The following ABTB3 variants were observed in gnomAD, a reference collection of about 807,000 sequenced individuals.
The protein encoded by ABTB3 is ankyrin repeat- and BTB/POZ domain-containing protein 3.
chr12:107,387,231 G>A, the ABTB3 span, among the ~76,000 whole-genome samples: 1 of 152,174 alleles, frequency 6.6e-6, no homozygotes, highest in African/African-American at 2.4e-5. Context: ...ACCCGCCTCA[G>A]CCTCCCAAAT....
At chr12:107,468,936 C>T in the ABTB3 span, among the ~76,000 whole-genome samples, 1 of 152,154 alleles carries the variant, frequency 6.6e-6, no homozygotes, top group African/African-American at 2.4e-5. Flanking sequence ...TCAGCTTTCT[C>T]ATCTGTGAAA....
the ABTB3 span, among the ~76,000 whole-genome samples, chr12:107,577,414 T>C: frequency 2.6e-3 from 400 of 152,230 alleles, 1 homozygote; most frequent in African/African-American, 9.2e-3. Flanking sequence ...TGTAACATTC[T>C]TTCTAGTACC....
chr12:107,404,425 G>T, the ABTB3 span, among the ~76,000 whole-genome samples: 1 of 152,216 alleles, frequency 6.6e-6, no homozygotes, highest in East Asian at 1.9e-4. Flanking sequence ...ACAAATACTC[G>T]ATCTCTGCTC....
chr12:107,440,355 C>G, the ABTB3 span, among the ~76,000 whole-genome samples: 3 of 152,264 alleles, frequency 2.0e-5, no homozygotes, highest in African/African-American at 7.2e-5. Context: ...CCCAGGGCAT[C>G]TGCCCGTGCT....
chr12:107,398,632 A>G, the ABTB3 span, among the ~76,000 whole-genome samples: 35 of 152,160 alleles, frequency 2.3e-4, no homozygotes, highest in African/African-American at 8.4e-4. Flanking sequence ...CTTGGCTCTC[A>G]TGCTGTTCAA....
the ABTB3 span, among the ~76,000 whole-genome samples, chr12:107,609,631 C>T: frequency 1.3e-5 from 2 of 152,226 alleles, no homozygotes; most frequent in African/African-American, 4.8e-5. Context: ...AGACAAGGCC[C>T]TTGCTCTCAG....
the ABTB3 span, among the ~76,000 whole-genome samples, chr12:107,485,032 G>A: frequency 6.6e-6 from 1 of 152,096 alleles, no homozygotes; most frequent in Non-Finnish European, 1.5e-5. Flanking sequence ...GAAGGAAAGA[G>A]ACCTCCACAT....
At chr12:107,447,323 G>T in the ABTB3 span, among the ~76,000 whole-genome samples, 2 of 152,140 alleles carry the variant, frequency 1.3e-5, no homozygotes, top group Non-Finnish European at 2.9e-5. Context: ...TTTATATTTA[G>T]TAGAGACGGG....
At chr12:107,623,974 G>A in the ABTB3 span, among the ~76,000 whole-genome samples, 6 of 152,294 alleles carry the variant, frequency 3.9e-5, no homozygotes, top group African/African-American at 9.6e-5. Context: ...GTGAGGAAAA[G>A]CTTCCAGCCA....
At chr12:107,552,003 C>G in the ABTB3 span, among the ~76,000 whole-genome samples, 1 of 152,206 alleles carries the variant, frequency 6.6e-6, no homozygotes, top group Non-Finnish European at 1.5e-5. Context: ...CCGCCTTCCT[C>G]GTTCTCCCAA....
the ABTB3 span, among the ~76,000 whole-genome samples, chr12:107,557,088 G>A: frequency 6.6e-6 from 1 of 152,158 alleles, no homozygotes; most frequent in Non-Finnish European, 1.5e-5. Flanking sequence ...TTAATCTCCT[G>A]ACACAAATTG....
At chr12:107,465,039 G>C in the ABTB3 span, among the ~76,000 whole-genome samples, 6,817 of 152,196 alleles carry the variant, frequency 0.045, 231 homozygotes, top group East Asian at 0.19. Context: ...CCCTGGTCTA[G>C]AGTAGGAGGG....
chr12:107,331,888 C>T, the ABTB3 span, among the ~76,000 whole-genome samples: 11 of 152,214 alleles, frequency 7.2e-5, no homozygotes, highest in African/African-American at 2.7e-4. Context: ...AGGGGCCTCC[C>T]CCCCGCCCCA....
At chr12:107,436,580 G>A in the ABTB3 span, among the ~76,000 whole-genome samples, 1 of 152,178 alleles carries the variant, frequency 6.6e-6, no homozygotes, top group African/African-American at 2.4e-5. Context: ...GCAAGCCTGC[G>A]AGTGACTCAG....
chr12:107,378,689 C>T, the ABTB3 span, among the ~76,000 whole-genome samples: 1 of 152,172 alleles, frequency 6.6e-6, no homozygotes, highest in African/African-American at 2.4e-5. Flanking sequence ...GCTCGCCTTC[C>T]CTGTTTCCCT....
chr12:107,591,870 G>A, the ABTB3 span, among the ~76,000 whole-genome samples: 1 of 152,180 alleles, frequency 6.6e-6, no homozygotes, highest in Non-Finnish European at 1.5e-5. Flanking sequence ...GGAACTCTGG[G>A]AGGTTAAGAA....
At chr12:107,447,041 T>G in the ABTB3 span, among the ~76,000 whole-genome samples, 1 of 152,224 alleles carries the variant, frequency 6.6e-6, no homozygotes, top group Non-Finnish European at 1.5e-5. Flanking sequence ...AGGACACTTT[T>G]CCAGAGCAGT....
the ABTB3 span, among the ~76,000 whole-genome samples, chr12:107,431,667 T>C: frequency 6.6e-6 from 1 of 151,854 alleles, no homozygotes; most frequent in African/African-American, 2.4e-5. Context: ...CTGCAAACTG[T>C]GACTTTTGTG....
chr12:107,640,384 C>T, the ABTB3 span: 4 of 1,595,892 alleles, frequency 2.5e-6, no homozygotes, highest in African/African-American at 4.0e-5. Context: ...TTTATGCTCA[C>T]AAAGTGCTGT....
Sources: allele counts gnomAD v4.1 joint callset (sites outside exome capture counted in the v4.1 genomes callset), GRCh38; gene constraint gnomAD v4.1.1; transcripts MANE v1.5; gene names NCBI Gene and HGNC (gene_info 2026-07-23, HGNC 2026-07-21).